The following DTWD2 variants were observed in gnomAD, a reference collection of about 807,000 sequenced individuals.
DTWD2 encodes the protein tRNA-uridine aminocarboxypropyltransferase 2.
In DTWD2, 39 loss-of-function variants were observed where a neutral mutation model predicts 31.8. The ratio of observed to expected loss-of-function variants is 1.22; its 90% CI spans 0.95 to 1.60. The LOEUF is 1.60. Among genes scored for constraint, DTWD2 ranks in the 40% most tolerant of loss-of-function variants. The probability of loss-of-function intolerance (pLI) is 0.00; values close to 1 mark genes in which losing one functional copy is unlikely to be tolerated. For missense variants in DTWD2, 515 were observed against 381.5 expected (o/e 1.35, Z -2.92); for synonymous variants, 180 against 142.8 (o/e 1.26, Z -1.86).
At chr5:118,980,541 G>C (rs1327640069) in intron 1 of DTWD2, among the ~76,000 whole-genome samples, 1 of 152,126 alleles carries the variant, frequency 6.6e-6, no homozygotes, top group African/African-American at 2.4e-5. Flanking sequence ...TATGCAAATG[G>C]CCAAAAAGCA....
At chr5:118,921,048 T>C in intron 4 of DTWD2, among the ~76,000 whole-genome samples, 1 of 152,290 alleles carries the variant, frequency 6.6e-6, no homozygotes, top group South Asian at 2.1e-4. Flanking sequence ...TCCTATTATA[T>C]CCTATTCTAT....
intron 4 of DTWD2, among the ~76,000 whole-genome samples, chr5:118,899,845 G>C (rs1183913486): frequency 7.2e-6 from 1 of 138,266 alleles, no homozygotes; most frequent in Non-Finnish European, 1.5e-5. Flanking sequence ...TCTGTTGCCC[G>C]GGCTGGAGTA....
intron 1 of DTWD2, among the ~76,000 whole-genome samples, chr5:118,951,474 C>T (rs181061492): frequency 3.3e-5 from 5 of 152,222 alleles, no homozygotes; most frequent in East Asian, 1.9e-4. Flanking sequence ...AATGCCTAGA[C>T]GTCAGGCACC....
intron 4 of DTWD2, 63 bp from the exon 5 acceptor site, chr5:118,848,281 T>A: frequency 7.0e-7 from 1 of 1,421,076 alleles, no homozygotes; most frequent in Non-Finnish European, 9.4e-7. Flanking sequence ...AAAGTTTGTG[T>A]TTTAAATACT....
intron 1 of DTWD2, among the ~76,000 whole-genome samples, chr5:118,945,804 AAGAAAG>A (rs1304204380): frequency 6.6e-6 from 1 of 151,120 alleles, no homozygotes; most frequent in Non-Finnish European, 1.5e-5. Context: ...GAAAGAAAGA[AAGAAAG>A]AAATTCATTA....
At chr5:118,925,203 C>T (rs9327084) in intron 4 of DTWD2, among the ~76,000 whole-genome samples, 2 of 152,010 alleles carry the variant, frequency 1.3e-5, no homozygotes, top group African/African-American at 4.8e-5. Flanking sequence ...GGGATAACAT[C>T]GTTAAAAATA....
At chr5:118,977,985 G>A (rs1015541017) in intron 1 of DTWD2, among the ~76,000 whole-genome samples, 11 of 152,126 alleles carry the variant, frequency 7.2e-5, no homozygotes, top group Admixed American at 3.3e-4. Flanking sequence ...AAACAGCCTG[G>A]TACTGGTACA....
At chr5:118,973,935 A>AGGCT in intron 1 of DTWD2, 1 of 1,594,624 alleles carries the variant, frequency 6.3e-7, no homozygotes, top group Non-Finnish European at 8.6e-7. Context: ...GGGGAGCAGG[A>AGGCT]GGCTGACAAT....
At chr5:118,970,011 C>G (rs1754947091) in intron 1 of DTWD2, among the ~76,000 whole-genome samples, 1 of 152,140 alleles carries the variant, frequency 6.6e-6, no homozygotes, top group African/African-American at 2.4e-5. Context: ...AGCTGAAAAA[C>G]ACAATATAAG....
In DTWD2 at chr5:118,839,196, A is replaced by G. The variant is rs1252795877; in HGVS notation, c.*1721T>C. The G allele has an allele frequency of 6.6e-6, 1 of 152,014 alleles. No homozygotes were observed. Among genetic ancestry groups the G allele is most frequent in the Non-Finnish European group, 1.5e-5 (1 of 68,006 alleles). 9.4% of individuals were successfully genotyped at this position (152,014 alleles called of 1,614,324 possible). On this transcript the variant is annotated 3_prime_UTR_variant, in exon 6 of 6. Coordinates refer to ENST00000510708, the MANE Select transcript of DTWD2 (RefSeq NM_173666.4). The stretch of plus-strand genomic sequence containing the variant: ...TAATAATAATAATAATGACTAAAAG[A>G]AACTCATGAAGTTTAATATCAATGT...
At chr5:118,905,861 A>G (rs1753317285) in intron 4 of DTWD2, among the ~76,000 whole-genome samples, 1 of 152,146 alleles carries the variant, frequency 6.6e-6, no homozygotes, top group Non-Finnish European at 1.5e-5. Flanking sequence ...GACTTTTTAA[A>G]TTGATTAACT....
intron 4 of DTWD2, among the ~76,000 whole-genome samples, chr5:118,859,364 T>G (rs1298267055): frequency 6.6e-6 from 1 of 152,204 alleles, no homozygotes; most frequent in East Asian, 1.9e-4. Context: ...ATTTGATTTT[T>G]CACTTATTTT....
chr5:118,938,054 T>C (rs546198252), intron 3 of DTWD2, among the ~76,000 whole-genome samples: 1 of 152,322 alleles, frequency 6.6e-6, no homozygotes, highest in South Asian at 2.1e-4. Flanking sequence ...ATATAACTTT[T>C]ATCTATCAAT....
At chr5:118,884,686 G>A (rs764187568) in intron 4 of DTWD2, among the ~76,000 whole-genome samples, 64 of 152,050 alleles carry the variant, frequency 4.2e-4, no homozygotes, top group Non-Finnish European at 7.4e-5. Context: ...CTATTTCTCC[G>A]GATGGTCAAA....
At chr5:118,855,962 T>C (rs1752124339) in intron 4 of DTWD2, among the ~76,000 whole-genome samples, 1 of 152,148 alleles carries the variant, frequency 6.6e-6, no homozygotes, top group Admixed American at 6.5e-5. Context: ...AGTTAGGAAG[T>C]ATAAGACTAA....
At chr5:118,880,515 C>CT (rs879505599) in intron 4 of DTWD2, among the ~76,000 whole-genome samples, 1 of 152,052 alleles carries the variant, frequency 6.6e-6, no homozygotes, top group Non-Finnish European at 1.5e-5. Context: ...TACATCTCAG[C>CT]TTTTTTCCAT....
At chr5:118,952,204 A>AGAGCAGGAGGACAGGGGATT (rs1473924743) in intron 1 of DTWD2, among the ~76,000 whole-genome samples, 9 of 152,174 alleles carry the variant, frequency 5.9e-5, no homozygotes, top group African/African-American at 1.9e-4. Flanking sequence ...CACGGAGCAA[A>AGAGCAGGAGGACAGGGGATT]GAGCAGGAGG....
At chr5:118,921,486 C>G (rs2149575499) in intron 4 of DTWD2, among the ~76,000 whole-genome samples, 1 of 148,482 alleles carries the variant, frequency 6.7e-6, no homozygotes, top group Admixed American at 6.7e-5. Context: ...CACCCGTGTA[C>G]TCCAGTCTAG....
chr5:118,885,524 G>A (rs1752843130), intron 4 of DTWD2, among the ~76,000 whole-genome samples: 1 of 150,390 alleles, frequency 6.6e-6, no homozygotes, highest in African/African-American at 2.5e-5. Flanking sequence ...CCAGCACTTT[G>A]GGAGGCCGAG....
Sources: allele counts gnomAD v4.1 joint callset (sites outside exome capture counted in the v4.1 genomes callset), GRCh38; gene constraint gnomAD v4.1.1; transcripts MANE v1.5; gene names NCBI Gene and HGNC (gene_info 2026-07-23, HGNC 2026-07-21).